The following KDM4C variants were observed in gnomAD, a reference collection of about 807,000 sequenced individuals.
The protein encoded by KDM4C is lysine demethylase 4C, also known as lysine-specific demethylase 4C.
In KDM4C, 81 loss-of-function variants were observed where a neutral mutation model predicts 129.3. The observed-to-expected ratio is 0.63, with a 90% CI of 0.52 to 0.75. KDM4C has a LOEUF of 0.75. KDM4C is among the 30% of genes least tolerant of loss of function. KDM4C has a pLI of 0.00. For synonymous variants in KDM4C, 573 were observed against 456.1 expected (o/e 1.26, Z -3.26); for missense variants, 1,457 against 1,304.0 (o/e 1.12, Z -1.81).
intron 2 of KDM4C, among the ~76,000 whole-genome samples, chr9:6,803,997 A>G (rs1363597112): frequency 6.6e-6 from 1 of 151,866 alleles, no homozygotes; most frequent in Non-Finnish European, 1.5e-5. Context: ...TAATTTTTGT[A>G]TTTTTAGTGG....
At chr9:7,108,973 T>C (rs978274772) in intron 18 of KDM4C, among the ~76,000 whole-genome samples, 1 of 152,244 alleles carries the variant, frequency 6.6e-6, no homozygotes, top group Non-Finnish European at 1.5e-5. Flanking sequence ...TATTTCAGGT[T>C]GATTATGGAT....
In KDM4C at chr9:6,964,713, T is replaced by C. The variant is rs367889846; in HGVS notation, c.922-16212T>C. On this transcript the variant is annotated intron_variant, in intron 8 of 21. Transcript: ENST00000381309. ...AGGAGAATGGCGTGAACCCGGGAGG[T>C]GGAGCTTGCAGTGAGCCGAGATCAC... 4.1e-3 allele frequency among the ~76,000 whole-genome samples: 524 copies of C among 128,242 alleles called. 2 individuals carry two copies. The highest frequency in any genetic ancestry group is 0.014 in the African/African-American group (457 of 32,840). The allele number at this position is 128,242 out of a possible 152,430, so 84.1% of individuals were successfully genotyped here.
At chr9:6,791,783 G>C (rs994312291) in intron 1 of KDM4C, among the ~76,000 whole-genome samples, 2 of 152,172 alleles carry the variant, frequency 1.3e-5, no homozygotes, top group African/African-American at 4.8e-5. Context: ...AGCACTTTGG[G>C]AGGCCAAGGC....
intron 1 of KDM4C, among the ~76,000 whole-genome samples, chr9:6,774,504 A>G (rs2130672114): frequency 6.6e-6 from 1 of 152,054 alleles, no homozygotes; most frequent in East Asian, 1.9e-4. Context: ...GTCTCTACTA[A>G]AAATACAAAA....
At chr9:6,944,076 A>T (rs1023830682) in intron 8 of KDM4C, among the ~76,000 whole-genome samples, 1 of 152,240 alleles carries the variant, frequency 6.6e-6, no homozygotes, top group Non-Finnish European at 1.5e-5. Flanking sequence ...AATGGGTTAC[A>T]TTAGCTTCAT....
intron 12 of KDM4C, among the ~76,000 whole-genome samples, chr9:7,005,475 G>A (rs1821494819): frequency 1.3e-5 from 2 of 150,408 alleles, no homozygotes; most frequent in African/African-American, 2.4e-5. Context: ...AAAGAAGTGA[G>A]TTAGATAAAC....
chr9:6,979,783 G>T (rs1472151157), intron 8 of KDM4C, among the ~76,000 whole-genome samples: 2 of 152,182 alleles, frequency 1.3e-5, no homozygotes, highest in Non-Finnish European at 2.9e-5. Context: ...ATTGAGACAG[G>T]AGATGCCGTA....
chr9:7,012,668 A>G (rs1822922353), intron 13 of KDM4C, among the ~76,000 whole-genome samples: 1 of 152,144 alleles, frequency 6.6e-6, no homozygotes, highest in Non-Finnish European at 1.5e-5. Context: ...CATTCCATAG[A>G]TATTATACTG....
intron 8 of KDM4C, among the ~76,000 whole-genome samples, chr9:6,933,201 C>G (rs572432102): frequency 6.6e-6 from 1 of 152,252 alleles, no homozygotes; most frequent in Admixed American, 6.5e-5. Context: ...TCTATGGGAA[C>G]AATAGGTATA....
intron 3 of KDM4C, among the ~76,000 whole-genome samples, chr9:6,811,732 T>C (rs1385183742): frequency 6.6e-6 from 1 of 152,130 alleles, no homozygotes; most frequent in Non-Finnish European, 1.5e-5. Context: ...ATAACTGAGT[T>C]CCAGAGAAAT....
chr9:6,926,233 G>A (rs10115920), intron 8 of KDM4C, among the ~76,000 whole-genome samples: 91,973 of 151,178 alleles, frequency 0.61, 28,477 homozygotes, highest in Middle Eastern at 0.68. Context: ...GGACTCAACT[G>A]TGAGAGGCAG....
chr9:7,159,646 G>A (rs1174330842), intron 19 of KDM4C, among the ~76,000 whole-genome samples: 3 of 152,208 alleles, frequency 2.0e-5, no homozygotes, highest in Admixed American at 6.5e-5. Flanking sequence ...CTTTAGGAAT[G>A]TTGAATATTG....
At chr9:6,800,692 T>A (rs1828775918) in intron 2 of KDM4C, among the ~76,000 whole-genome samples, 1 of 152,210 alleles carries the variant, frequency 6.6e-6, no homozygotes. Flanking sequence ...AGTGGTGTGA[T>A]CTTGGCTCAC....
intron 7 of KDM4C, among the ~76,000 whole-genome samples, chr9:6,889,400 C>G (rs1845796225): frequency 1.3e-5 from 2 of 152,096 alleles, no homozygotes; most frequent in South Asian, 4.1e-4. Flanking sequence ...GCCCTCATCA[C>G]TGGTTTACTC....
At chr9:6,752,789 A>C (rs185224347), upstream of KDM4C, among the ~76,000 whole-genome samples, 195 of 152,284 alleles carry the variant, frequency 1.3e-3, 1 homozygote, top group Middle Eastern at 3.4e-3. Flanking sequence ...TATATATGCC[A>C]AGTGCTCTAT....
At chr9:6,780,366 A>C (rs772967891) in intron 1 of KDM4C, among the ~76,000 whole-genome samples, 1 of 134,144 alleles carries the variant, frequency 7.5e-6, no homozygotes, top group Non-Finnish European at 1.6e-5. Context: ...AACAGTAAAA[A>C]GTTAAGAGAT....
At chr9:6,770,265 G>A (rs1177671218) in intron 1 of KDM4C, among the ~76,000 whole-genome samples, 1 of 151,696 alleles carries the variant, frequency 6.6e-6, no homozygotes, top group Non-Finnish European at 1.5e-5. Context: ...AAAATGTTGG[G>A]TAACAGACTA....
intron 5 of KDM4C, among the ~76,000 whole-genome samples, chr9:6,866,966 T>C (rs1433244052): frequency 3.8e-5 from 4 of 105,818 alleles, no homozygotes. Context: ...TATAAAAATA[T>C]ATGTTTGTGT....
intron 8 of KDM4C, among the ~76,000 whole-genome samples, chr9:6,938,134 A>G (rs905609292): frequency 1.3e-5 from 2 of 152,238 alleles, no homozygotes; most frequent in South Asian, 2.1e-4. Context: ...GGTATGCTCC[A>G]GATCACCTGC....
Sources: gnomAD v4.1 joint callset for allele counts (sites outside exome capture counted in the v4.1 genomes callset) on GRCh38, gnomAD v4.1.1 for gene constraint, MANE v1.5 for transcripts, NCBI Gene and HGNC (gene_info 2026-07-23, HGNC 2026-07-21) for gene names.